The following PTPRM variants were observed in gnomAD, a reference collection of about 807,000 sequenced individuals.
The protein encoded by PTPRM is receptor-type tyrosine-protein phosphatase mu.
A neutral mutation model predicts 186.7 loss-of-function variants in PTPRM; 47 were observed. The observed-to-expected ratio is 0.25, with a 90% CI of 0.20 to 0.32. The LOEUF is 0.32. Among genes scored for constraint, PTPRM ranks in the 10% least tolerant of loss-of-function variants. The pLI is 1.00. For missense variants in PTPRM, 1,494 were observed against 1,865.0 expected (o/e 0.80, Z 3.66); for synonymous variants, 668 against 674.9 (o/e 0.99, Z 0.16).
intron 13 of PTPRM, among the ~76,000 whole-genome samples, chr18:8,131,789 G>A (rs1164079804): frequency 6.6e-6 from 1 of 152,180 alleles, no homozygotes; most frequent in Non-Finnish European, 1.5e-5. Context: ...GCTTAGCCAC[G>A]AATTTTCTTC....
chr18:7,677,172 A>G (rs977411585), intron 1 of PTPRM, among the ~76,000 whole-genome samples: 8 of 152,204 alleles, frequency 5.3e-5, no homozygotes, highest in African/African-American at 1.9e-4. Context: ...CGTTATTTCT[A>G]GAATTGCTCT....
chr18:8,142,957 A>G (rs1272614365), intron 13 of PTPRM, among the ~76,000 whole-genome samples: 1 of 152,200 alleles, frequency 6.6e-6, no homozygotes, highest in Non-Finnish European at 1.5e-5. Flanking sequence ...AAGGGGAGCT[A>G]AGACAGCCAC....
At chr18:7,641,829 A>G (rs2038450433) in intron 1 of PTPRM, among the ~76,000 whole-genome samples, 1 of 152,232 alleles carries the variant, frequency 6.6e-6, no homozygotes, top group South Asian at 2.1e-4. Context: ...TTTCTAATTC[A>G]TCTTATCTGT....
intron 4 of PTPRM, 77 bp downstream of exon 4, chr18:7,906,660 A>G (rs1028171487): frequency 2.5e-6 from 3 of 1,195,286 alleles, no homozygotes; most frequent in Admixed American, 1.7e-5. Flanking sequence ...AGAAGGGATG[A>G]AAACCTGTGA....
intron 7 of PTPRM, among the ~76,000 whole-genome samples, chr18:8,009,665 A>G (rs2147852854): frequency 6.6e-6 from 1 of 152,086 alleles, no homozygotes; most frequent in East Asian, 1.9e-4. Context: ...CCAAGATCGC[A>G]CCACTGCACT....
chr18:8,226,473 A>G (rs1290149101), intron 14 of PTPRM, among the ~76,000 whole-genome samples: 1 of 152,194 alleles, frequency 6.6e-6, no homozygotes, highest in Non-Finnish European at 1.5e-5. Flanking sequence ...TGTGATTTTT[A>G]TATTTTTCCT....
chr18:7,726,045 C>T (rs931613066), intron 1 of PTPRM, among the ~76,000 whole-genome samples: 1 of 152,176 alleles, frequency 6.6e-6, no homozygotes, highest in African/African-American at 2.4e-5. Context: ...TCTTGCTCCT[C>T]CCCAAAAGCG....
chr18:8,247,675 AAGTAAGT>A (rs1197007132), intron 15 of PTPRM, among the ~76,000 whole-genome samples, 163 bp from the exon 16 acceptor site: 7 of 152,172 alleles, frequency 4.6e-5, no homozygotes, highest in African/African-American at 1.7e-4. Context: ...TCTAAAGGAT[AAGTAAGT>A]ACTCAGAAAC....
chr18:8,286,374 G>A (rs1568667676), intron 19 of PTPRM, among the ~76,000 whole-genome samples: 1 of 152,210 alleles, frequency 6.6e-6, no homozygotes. Context: ...TCCCAAGGGT[G>A]GCTGGAACCA....
intron 20 of PTPRM, among the ~76,000 whole-genome samples, chr18:8,309,786 G>A (rs116603303): frequency 0.012 from 1,882 of 151,986 alleles, 30 homozygotes; most frequent in African/African-American, 0.041. Context: ...CTCCTGCCTC[G>A]GCCTCCCAAG....
chr18:8,208,519 A>G (rs1850701862), intron 14 of PTPRM, among the ~76,000 whole-genome samples: 1 of 149,234 alleles, frequency 6.7e-6, no homozygotes, highest in African/African-American at 2.5e-5. Flanking sequence ...GGCAAGGCCT[A>G]TTTTTTTTTT....
At chr18:8,209,798 G>A (rs1010392848) in intron 14 of PTPRM, among the ~76,000 whole-genome samples, 5 of 151,650 alleles carry the variant, frequency 3.3e-5, no homozygotes, top group South Asian at 2.1e-4. Context: ...ACAGGGAGGC[G>A]AACAACACAC....
intron 1 of PTPRM, among the ~76,000 whole-genome samples, chr18:7,581,791 C>G (rs2036852817): frequency 6.6e-6 from 1 of 151,378 alleles, no homozygotes; most frequent in African/African-American, 2.4e-5. Context: ...AGCTGGGACT[C>G]CCAAGCAGCA....
chr18:7,647,147 C>A (rs1035783057), intron 1 of PTPRM, among the ~76,000 whole-genome samples: 3 of 151,974 alleles, frequency 2.0e-5, no homozygotes, highest in African/African-American at 7.2e-5. Flanking sequence ...ATTGAATGAG[C>A]AATAATTTTA....
chr18:8,152,060 T>G (rs565668342), intron 14 of PTPRM, among the ~76,000 whole-genome samples: 1 of 152,236 alleles, frequency 6.6e-6, no homozygotes, highest in East Asian at 1.9e-4. Context: ...ACCTTCTGTG[T>G]TGATCTCGCT....
intron 7 of PTPRM, among the ~76,000 whole-genome samples, chr18:8,022,892 C>T (rs1478638861): frequency 2.0e-5 from 3 of 152,152 alleles, no homozygotes; most frequent in Non-Finnish European, 4.4e-5. Flanking sequence ...GGAATAGCAA[C>T]TGGACAAGCT....
At chr18:7,650,804 T>G (rs1466138103) in intron 1 of PTPRM, among the ~76,000 whole-genome samples, 1 of 150,522 alleles carries the variant, frequency 6.6e-6, no homozygotes, top group Non-Finnish European at 1.5e-5. Flanking sequence ...CAGTTCAACA[T>G]CTACATGAAA....
At chr18:7,581,364 A>C (rs2036841151) in intron 1 of PTPRM, among the ~76,000 whole-genome samples, 1 of 152,216 alleles carries the variant, frequency 6.6e-6, no homozygotes, top group African/African-American at 2.4e-5. Context: ...GCTCCAAGAA[A>C]AAAATAAAAA....
chr18:8,353,684 G>A (rs958448381), intron 23 of PTPRM, among the ~76,000 whole-genome samples: 3 of 151,840 alleles, frequency 2.0e-5, no homozygotes, highest in African/African-American at 7.3e-5. Context: ...TGTAAGGAGA[G>A]GCAATGTGTT....
Sources: gnomAD v4.1 joint callset for allele counts (sites outside exome capture counted in the v4.1 genomes callset) on GRCh38, gnomAD v4.1.1 for gene constraint, MANE v1.5 for transcripts, NCBI Gene and HGNC (gene_info 2026-07-23, HGNC 2026-07-21) for gene names.